The following PLOD2 variants were observed in gnomAD, a reference collection of about 807,000 sequenced individuals.
The protein encoded by PLOD2 is lysine hydroxylase 2.
PLOD2 carries 65 observed loss-of-function variants against 101.0 expected under a neutral mutation model. That is an observed-to-expected ratio of 0.64 (90% CI 0.53 to 0.79). The LOEUF is 0.79. PLOD2 is among the 30% of genes least tolerant of loss of function. The probability of loss-of-function intolerance (pLI) is 0.00; values close to 1 mark genes in which losing one functional copy is unlikely to be tolerated. For synonymous variants in PLOD2, 314 were observed against 302.9 expected, an observed-to-expected ratio of 1.04 and a Z score of -0.38; for missense variants, 909 against 914.6, an observed-to-expected ratio of 0.99 and a Z score of 0.08.
chr3:146,105,031 T>C (rs1937512672), intron 5 of PLOD2: 1 of 152,222 alleles, frequency 6.6e-6, no homozygotes, highest in African/African-American at 2.4e-5. Flanking sequence ...AGTAGCAATT[T>C]TGGACAAGGA....
At chr3:146,127,536 C>T (rs1205476895) in intron 1 of PLOD2, among the ~76,000 whole-genome samples, 2 of 151,734 alleles carry the variant, frequency 1.3e-5, no homozygotes, top group South Asian at 2.1e-4. Context: ...CATATCCCAT[C>T]GTATATATAT....
chr3:146,122,561 T>G (rs1420359799), intron 2 of PLOD2, among the ~76,000 whole-genome samples: 1 of 152,146 alleles, frequency 6.6e-6, no homozygotes, highest in East Asian at 1.9e-4. Context: ...ATTCAGTCGG[T>G]CTGAGGGGGA....
chr3:146,108,294 C>T (rs1374337593), intron 4 of PLOD2, among the ~76,000 whole-genome samples: 1 of 152,054 alleles, frequency 6.6e-6, no homozygotes, highest in African/African-American at 2.4e-5. Flanking sequence ...AATCTCCTCA[C>T]CTCAGTCTCC....
chr3:146,070,969 G>A, intron 19 of PLOD2, 73 bp downstream of exon 19: 1 of 1,509,208 alleles, frequency 6.6e-7, no homozygotes, highest in Non-Finnish European at 9.2e-7. Context: ...AAGAAACTAA[G>A]GCCTAAGGCA....
At chr3:146,121,037 T>TATTTA (rs2030098907) in intron 3 of PLOD2, 75 bp downstream of exon 3, 7 of 1,204,754 alleles carry the variant, frequency 5.8e-6, no homozygotes, top group Non-Finnish European at 8.6e-6. Context: ...TAATACATCA[T>TATTTA]CTACAAATAT....
At chr3:146,096,176 C>CGGA (rs1937153464) in intron 7 of PLOD2, among the ~76,000 whole-genome samples, 1 of 146,638 alleles carries the variant, frequency 6.8e-6, no homozygotes, top group East Asian at 2.1e-4. Flanking sequence ...GATGGAGTCT[C>CGGA]GTTCACTCAG....
intron 1 of PLOD2, among the ~76,000 whole-genome samples, chr3:146,140,116 C>G (rs2031449163): frequency 6.6e-6 from 1 of 151,984 alleles, no homozygotes. Context: ...CATACAGGGT[C>G]AGGATACTCC....
chr3:146,104,336 T>C lies in PLOD2; in HGVS notation c.622A>G (p.Ile208Val). 4 of 1,516,258 alleles carry C rather than the reference T, an allele frequency of 2.6e-6. No homozygotes were observed. Among genetic ancestry groups the C allele is most frequent in the African/African-American group, 1.4e-5 (1 of 73,160 alleles). 93.9% of individuals were successfully genotyped at this position (1,516,258 alleles called of 1,614,324 possible). ...VYIDPLKREAINITLDHKCKI... is the reference protein window; with the variant it reads ...VYIDPLKREAVNITLDHKCKI... ...CATTTGTGATCCAATGTGATGTTAA[T>C]AGCTTCCTAAAACATAAGAATAGAA... Residue 208 changes from isoleucine to valine, a missense_variant, in exon 6 of 20, where the codon ATT becomes GTT. Ile to Val is a conservative substitution (Grantham distance 29, BLOSUM62 3). Coordinates refer to ENST00000282903, the MANE Select transcript of PLOD2 (RefSeq NM_182943.3).
chr3:146,131,610 GC>G (rs2030915318), intron 1 of PLOD2, among the ~76,000 whole-genome samples: 1 of 152,124 alleles, frequency 6.6e-6, no homozygotes, highest in Admixed American at 6.5e-5. Flanking sequence ...GTCTAGCAAA[GC>G]CCACTTCTTT....
At chr3:146,132,555 T>C (rs1019953405) in intron 1 of PLOD2, among the ~76,000 whole-genome samples, 3 of 152,150 alleles carry the variant, frequency 2.0e-5, no homozygotes, top group Non-Finnish European at 4.4e-5. Flanking sequence ...ATCATTCTTT[T>C]CAAATAAAAA....
intron 12 of PLOD2, among the ~76,000 whole-genome samples, chr3:146,081,340 G>C (rs766802449): frequency 2.0e-5 from 3 of 152,110 alleles, no homozygotes; most frequent in Non-Finnish European, 4.4e-5. Flanking sequence ...CTGGCTGTTA[G>C]TGTTACTGTT....
At chr3:146,087,261 C>T (rs186437824) in intron 9 of PLOD2, among the ~76,000 whole-genome samples, 73 of 151,972 alleles carry the variant, frequency 4.8e-4, no homozygotes, top group East Asian at 2.7e-3. Flanking sequence ...AAGAAAAACA[C>T]GGCCTGTAGC....
chr3:146,110,833 T>G (rs1937617440), intron 3 of PLOD2, among the ~76,000 whole-genome samples: 1 of 152,188 alleles, frequency 6.6e-6, no homozygotes, highest in Non-Finnish European at 1.5e-5. Flanking sequence ...TGCCTAATAT[T>G]TCAAGTAAAT....
rs561337768 is a variant in PLOD2 at position 146,160,004 on chromosome 3, G to A, written c.109+877C>T. Among the ~76,000 whole-genome samples the A allele has an allele frequency of 1.3e-3, 199 of 152,064 alleles. 1 individual carries two copies. Among genetic ancestry groups the A allele is most frequent in the Middle Eastern group, 6.8e-3 (2 of 294 alleles). ...GAAAAGCACTCTATTATAAACTTGG[G>A]GGAAAAAATGGTGCCAAGATGACTT... On this transcript the variant is annotated intron_variant, in intron 1 of 19. Transcript: ENST00000282903.
intron 10 of PLOD2, chr3:146,085,562 T>C: frequency 2.1e-6 from 1 of 477,640 alleles, no homozygotes; most frequent in East Asian, 3.4e-5. Flanking sequence ...AATCAAAATG[T>C]TTCTGCATAC....
intron 4 of PLOD2, among the ~76,000 whole-genome samples, chr3:146,108,859 A>C (rs984385803): frequency 3.2e-4 from 49 of 152,180 alleles, no homozygotes; most frequent in African/African-American, 1.1e-3. Flanking sequence ...AACAAGTATA[A>C]AATAAAACAT....
Position 146,104,350 on chromosome 3 carries a change from A to T in PLOD2, c.616-8T>A, listed in dbSNP as rs1018983037. On this transcript the variant is annotated splice_region_variant and splice_polypyrimidine_tract_variant and intron_variant, in intron 5 of 19. Coordinates refer to ENST00000282903, the MANE Select transcript of PLOD2 (RefSeq NM_182943.3). Reference sequence around the variant, plus strand: ...TGTGATGTTAATAGCTTCCTAAAACATAAGAATAGAAATGATATTGAAAAT... The same window carrying T: ...TGTGATGTTAATAGCTTCCTAAAACTTAAGAATAGAAATGATATTGAAAAT... 7.1e-7 allele frequency: 1 copy of T among 1,402,894 alleles called. No individual in the cohort carries two copies. The highest frequency in any genetic ancestry group is 1.7e-5 in the Admixed American group (1 of 59,694). The allele number at this position is 1,402,894 out of a possible 1,614,324, so 86.9% of individuals were successfully genotyped here.
intron 1 of PLOD2, among the ~76,000 whole-genome samples, chr3:146,138,235 G>A (rs1450361557): frequency 6.6e-6 from 1 of 151,906 alleles, no homozygotes; most frequent in Non-Finnish European, 1.5e-5. Context: ...GTTACTGTGT[G>A]CCTACTATGT....
rs1254946782 is a variant in PLOD2, at chr3:146,085,225, A to C, written c.1176T>G (p.Asp392Glu). The part of the protein sequence containing the change: ...DEKCDYYFSV[D>E]ADVVLTNPRT... ...TTGGATTTGTCAAAACAACATCTGC[A>C]TCCACACTAAAGTAATAATCACACT... is the stretch of plus-strand genomic sequence containing the variant. The change falls in exon 11 of 20, where the codon GAT (aspartate) becomes GAG (glutamate). Residue 392 changes from aspartate to glutamate, a missense_variant. Asp to Glu is a conservative substitution (Grantham distance 45). Coordinates refer to ENST00000282903, the MANE Select transcript of PLOD2 (RefSeq NM_182943.3). 3.7e-6 allele frequency: 6 copies of C among 1,609,330 alleles called. No individual in the cohort carries two copies. Among genetic ancestry groups the C allele is most frequent in the Non-Finnish European group, 4.3e-6 (5 of 1,176,086 alleles).
Sources: allele counts gnomAD v4.1 joint callset (sites outside exome capture counted in the v4.1 genomes callset), GRCh38; gene constraint gnomAD v4.1.1; transcripts MANE v1.5; gene names NCBI Gene and HGNC (gene_info 2026-07-23, HGNC 2026-07-21).